PPP2R2C: variants seen among roughly 807,000 people sequenced by gnomAD.
The protein encoded by PPP2R2C is protein phosphatase 2, regulatory subunit B, gamma.
A neutral mutation model predicts 45.3 loss-of-function variants in PPP2R2C; 10 were observed. The observed-to-expected ratio is 0.22, with a 90% CI of 0.14 to 0.37. The LOEUF (loss-of-function observed/expected upper bound fraction) is 0.37, where lower values mean the gene tolerates loss of function less well. Ranked by LOEUF, PPP2R2C falls within the 10% of genes least tolerant of loss-of-function variation. PPP2R2C has a pLI of 1.00. For synonymous variants in PPP2R2C, 257 were observed against 245.4 expected, an observed-to-expected ratio of 1.05 and a Z score of -0.44; for missense variants, 308 against 619.7, an observed-to-expected ratio of 0.50 and a Z score of 5.34.
chr4:6,470,802 C>T (rs1721829052), intron 1 of PPP2R2C, among the ~76,000 whole-genome samples: 1 of 151,998 alleles, frequency 6.6e-6, no homozygotes, highest in Non-Finnish European at 1.5e-5. Context: ...CCCGGAGGCC[C>T]GGGCAGCCCT....
Position 6,323,079 on chromosome 4 carries a change from CTTTTTATT to C in PPP2R2C, c.*215_*222del, listed in dbSNP as rs1243250182. ...TTTGTGGCGGTGAACGCTTCCTTTC[CTTTTTATT>C]TTTTTAAACAGACAATTACTGCCAA... On this transcript the variant is annotated 3_prime_UTR_variant, in exon 9 of 9. Transcript: ENST00000382599. The C allele has an allele frequency of 2.1e-6, 1 of 476,630 alleles. No homozygotes were observed. Among genetic ancestry groups the C allele is most frequent in the East Asian group, 3.3e-5 (1 of 29,856 alleles). The allele number at this position is 476,630 out of a possible 1,614,324, so 29.5% of individuals were successfully genotyped here.
chr4:6,334,455 TC>T (rs1732678010), intron 6 of PPP2R2C, among the ~76,000 whole-genome samples: 1 of 152,124 alleles, frequency 6.6e-6, no homozygotes, highest in African/African-American at 2.4e-5. Context: ...CAATGAGGAC[TC>T]CCCAGACAGT....
intron 1 of PPP2R2C, among the ~76,000 whole-genome samples, chr4:6,410,697 C>T (rs559989777): frequency 1.3e-5 from 2 of 152,072 alleles, no homozygotes; most frequent in South Asian, 2.1e-4. Context: ...CGTGGAGAAG[C>T]CCATCCCTGC....
Position 6,378,138 on chromosome 4 carries a change from G to A in PPP2R2C, c.334+269C>T, listed in dbSNP as rs1388600057. 6.6e-6 allele frequency among the ~76,000 whole-genome samples: 1 copy of A among 152,098 alleles called. No homozygotes were observed. Among genetic ancestry groups the A allele is most frequent in the Non-Finnish European group, 1.5e-5 (1 of 68,034 alleles). On this transcript the variant is annotated intron_variant, in intron 3 of 8. Transcript: ENST00000382599. The surrounding 1 kb of genome is among the most constrained non-coding windows in gnomAD (Gnocchi z 5.2). ...GGGGGCAGCCCTGTGTCTGGCCATG[G>A]GGAGCTTCTGAGAGGGTCTGGCATA...
intron 5 of PPP2R2C, chr4:6,348,819 C>A: frequency 1.4e-6 from 1 of 693,408 alleles, no homozygotes; most frequent in South Asian, 6.4e-5. Flanking sequence ...CTGGATCAAG[C>A]TGCACCTGAA....
chr4:6,415,919 A>G (rs911386897), intron 1 of PPP2R2C, among the ~76,000 whole-genome samples: 1 of 152,140 alleles, frequency 6.6e-6, no homozygotes, highest in African/African-American at 2.4e-5. Context: ...TCCTCCTAGA[A>G]GTTTCTCTCA....
intron 2 of PPP2R2C, among the ~76,000 whole-genome samples, chr4:6,478,332 T>C (rs1294493575): frequency 6.6e-6 from 1 of 152,186 alleles, no homozygotes; most frequent in Non-Finnish European, 1.5e-5. Context: ...CTTTTAATAT[T>C]AGGTGTAGTC....
intron 1 of PPP2R2C, among the ~76,000 whole-genome samples, chr4:6,456,297 G>A (rs942124288): frequency 2.4e-5 from 2 of 83,870 alleles, no homozygotes; most frequent in Non-Finnish European, 4.5e-5. Context: ...GTGAAATGAA[G>A]GATGTTATTT....
At chr4:6,462,930 C>T (rs1195024994) in intron 1 of PPP2R2C, among the ~76,000 whole-genome samples, 1 of 152,198 alleles carries the variant, frequency 6.6e-6, no homozygotes, top group Non-Finnish European at 1.5e-5. Flanking sequence ...CCTCTTGTAA[C>T]AGTTGGCCAG....
chr4:6,504,750 C>G (rs550149625), intron 2 of PPP2R2C, among the ~76,000 whole-genome samples: 3 of 152,234 alleles, frequency 2.0e-5, no homozygotes, highest in East Asian at 3.9e-4. Flanking sequence ...AATTTTTACT[C>G]TATCTGAAAA....
At chr4:6,425,560 C>T (rs999735906) in intron 1 of PPP2R2C, among the ~76,000 whole-genome samples, 1 of 152,238 alleles carries the variant, frequency 6.6e-6, no homozygotes, top group Non-Finnish European at 1.5e-5. Flanking sequence ...CAGCCTCCCC[C>T]ATGACGTGTG....
chr4:6,376,740 C>T (rs1356517405), intron 3 of PPP2R2C, among the ~76,000 whole-genome samples: 1 of 152,176 alleles, frequency 6.6e-6, no homozygotes, highest in Admixed American at 6.5e-5. Flanking sequence ...AGGCATGAGC[C>T]ACCGCATGTG....
At chr4:6,325,656 A>G (rs1577065017) in intron 8 of PPP2R2C, among the ~76,000 whole-genome samples, 1 of 152,324 alleles carries the variant, frequency 6.6e-6, no homozygotes, top group East Asian at 1.9e-4. Context: ...TTCAGCTGAC[A>G]CGTGCTCTGG....
rs999063199 is a variant in PPP2R2C at position 6,331,701 on chromosome 4, G to A, written c.960+1861C>T. ...GTGGCAGCCACTTTGCCACCATGAGGTACCACATGTGAAGGTGGAAAACCA... is the reference window on the plus strand; with the variant it reads ...GTGGCAGCCACTTTGCCACCATGAGATACCACATGTGAAGGTGGAAAACCA... On this transcript the variant is annotated intron_variant, in intron 7 of 8. Coordinates refer to ENST00000382599, the MANE Select transcript of PPP2R2C (RefSeq NM_020416.4). The surrounding 1 kb of genome is among the most constrained non-coding windows in gnomAD (Gnocchi z 5.9). 6.6e-6 allele frequency among the ~76,000 whole-genome samples: 1 copy of A among 152,124 alleles called. No homozygotes were observed. The highest frequency in any genetic ancestry group is 1.5e-5 in the Non-Finnish European group (1 of 68,028).
At chr4:6,382,014 C>G in intron 1 of PPP2R2C, 1 of 1,412,116 alleles carries the variant, frequency 7.1e-7, no homozygotes, top group South Asian at 1.6e-5. Flanking sequence ...GAAGAGAAAC[C>G]CCCACTGGAG....
chr4:6,351,067 G>C, intron 5 of PPP2R2C: 1 of 973,806 alleles, frequency 1.0e-6, no homozygotes, highest in Non-Finnish European at 1.2e-6. Context: ...CACTTTGGGA[G>C]GTCAAGGCGA....
At position 6,451,241 on chromosome 4, in the gene PPP2R2C, C is replaced by G. The variant is rs145353637; in HGVS notation, c.70+20919G>C. On this transcript the variant is annotated intron_variant, in intron 1 of 8. Transcript: ENST00000382599. ...CCCAGTCCCAGCAAAGTGCCTGACA[C>G]AGTGTGGGCTGGATCCGCTGTGGAC... 3.8e-3 allele frequency among the ~76,000 whole-genome samples: 584 copies of G among 152,310 alleles called. 5 individuals are homozygous for G. Among genetic ancestry groups the G allele is most frequent in the African/African-American group, 0.013 (544 of 41,566 alleles).
chr4:6,459,782 G>GTC (rs1464166245), intron 1 of PPP2R2C, among the ~76,000 whole-genome samples: 3 of 151,962 alleles, frequency 2.0e-5, no homozygotes, highest in African/African-American at 7.3e-5. Context: ...GCAAGCCTCT[G>GTC]TCACACACAC....
At chr4:6,398,327 G>A (rs199711663) in intron 1 of PPP2R2C, among the ~76,000 whole-genome samples, 2 of 81,646 alleles carry the variant, frequency 2.4e-5, no homozygotes. Flanking sequence ...GGCATGGAAT[G>A]AGAGAAAATA....
Sources: gnomAD v4.1 joint callset for allele counts (sites outside exome capture counted in the v4.1 genomes callset) on GRCh38, gnomAD v4.1.1 for gene constraint, Gnocchi (gnomAD v3.1) non-coding constraint, MANE v1.5 for transcripts, NCBI Gene and HGNC (gene_info 2026-07-23, HGNC 2026-07-21) for gene names.